ATRN: variants seen among roughly 807,000 people sequenced by gnomAD.
ATRN encodes the protein attractin-2.
In ATRN, 54 loss-of-function variants were observed where a neutral mutation model predicts 178.7. The observed-to-expected ratio is 0.30, with a 90% CI of 0.24 to 0.38. The LOEUF (loss-of-function observed/expected upper bound fraction) is 0.38. Ranked by LOEUF, ATRN falls within the 10% of genes least tolerant of loss-of-function variation. The pLI, the probability that ATRN is intolerant of heterozygous loss-of-function variation, is 1.00. For missense variants in ATRN, 1,443 were observed against 1,815.1 expected (o/e 0.79, Z 3.73); for synonymous variants, 636 against 663.0 (o/e 0.96, Z 0.63).
intron 13 of ATRN, among the ~76,000 whole-genome samples, chr20:3,576,637 T>C (rs770796938): frequency 1.3e-5 from 2 of 152,090 alleles, no homozygotes; most frequent in Non-Finnish European, 2.9e-5. Flanking sequence ...AACATTCCAT[T>C]GCAGTGTTCC....
rs114704142 is a variant in ATRN, at chr20:3,594,081, C to T, written c.3323-398C>T. 2.5e-3 allele frequency among the ~76,000 whole-genome samples: 374 copies of T among 152,302 alleles called. 2 individuals are homozygous for T. The highest frequency in any genetic ancestry group is 8.5e-3 in the African/African-American group (355 of 41,576). On this transcript the variant is annotated intron_variant, in intron 19 of 28. Transcript: ENST00000262919. ...CCAGCCCTCCTTCAGAGGACAGTCA[C>T]CTCCAGAGCACCTCCCTAGGGGCAG...
intron 5 of ATRN, among the ~76,000 whole-genome samples, chr20:3,547,787 A>G (rs375401400): frequency 6.6e-6 from 1 of 152,164 alleles, no homozygotes; most frequent in East Asian, 1.9e-4. Context: ...GGGAGATGGG[A>G]CAAGAGCTGA....
intron 24 of ATRN, among the ~76,000 whole-genome samples, chr20:3,617,697 G>A (rs1368856346): frequency 6.6e-6 from 1 of 152,062 alleles, no homozygotes; most frequent in Non-Finnish European, 1.5e-5. Flanking sequence ...GAATAATACA[G>A]GTGGTAGAAG....
chr20:3,480,808 T>A (rs923664355), intron 1 of ATRN, among the ~76,000 whole-genome samples: 1 of 152,196 alleles, frequency 6.6e-6, no homozygotes, highest in African/African-American at 2.4e-5. Context: ...TAAATGTGAT[T>A]AAGTGATTTA....
At chr20:3,635,796 T>G (rs946153321) in intron 26 of ATRN, among the ~76,000 whole-genome samples, 2 of 152,130 alleles carry the variant, frequency 1.3e-5, no homozygotes, top group African/African-American at 4.8e-5. Flanking sequence ...ATAGAGGGAA[T>G]GTTGCACACT....
chr20:3,607,666 T>C (rs2086693853), intron 24 of ATRN, among the ~76,000 whole-genome samples: 1 of 152,238 alleles, frequency 6.6e-6, no homozygotes. Context: ...CTCTTGTGAA[T>C]AGTGCTGTGA....
chr20:3,537,898 A>T (rs151520), intron 2 of ATRN, among the ~76,000 whole-genome samples: 135,344 of 150,876 alleles, frequency 0.9, 60,835 homozygotes, highest in African/African-American at 0.95. Flanking sequence ...CATTTTCTTT[A>T]TTTTATTTTA....
At chr20:3,483,073 G>A (rs1391600221) in intron 1 of ATRN, among the ~76,000 whole-genome samples, 1 of 152,088 alleles carries the variant, frequency 6.6e-6, no homozygotes, top group Admixed American at 6.5e-5. Context: ...TAACTAGTAT[G>A]GTGAAGTTGA....
intron 1 of ATRN, among the ~76,000 whole-genome samples, chr20:3,483,883 C>T (rs1370707083): frequency 2.0e-5 from 3 of 152,042 alleles, no homozygotes; most frequent in Admixed American, 2.0e-4. Flanking sequence ...CCCCATTATA[C>T]AGTATTACTT....
chr20:3,554,990 C>CTTTTTTTTT lies in ATRN; in HGVS notation c.1113-4381_1113-4373dup, dbSNP rs536209701. ...TGGAACACCAAGTGTGACCTGACCT[C>CTTTTTTTTT]TTTTTTTTTTTTTTTTTTTTTTTTT... is the stretch of plus-strand genomic sequence containing the variant. On this transcript the variant is annotated intron_variant, in intron 6 of 28. Coordinates refer to ENST00000262919, the MANE Select transcript of ATRN (RefSeq NM_139321.3). 2.8e-4 allele frequency among the ~76,000 whole-genome samples: 19 copies of CTTTTTTTTT among 67,490 alleles called. 2 individuals are homozygous for CTTTTTTTTT. The highest frequency in any genetic ancestry group is 1.3e-3 in the African/African-American group (19 of 14,248). The allele number at this position is 67,490 out of a possible 152,430, so 44.3% of individuals were successfully genotyped here. A position where few individuals can be genotyped will look rare whatever the true frequency, so the allele number is the denominator to read the frequency against.
intron 1 of ATRN, among the ~76,000 whole-genome samples, chr20:3,514,403 A>G (rs1323237141): frequency 5.3e-5 from 8 of 152,174 alleles, no homozygotes; most frequent in Non-Finnish European, 1.0e-4. Context: ...AACCTGAAAG[A>G]AAAGGAAAAC....
chr20:3,545,967 CAT>C, intron 4 of ATRN, 77 bp downstream of exon 4: 1 of 1,501,730 alleles, frequency 6.7e-7, no homozygotes, highest in Non-Finnish European at 9.2e-7. Context: ...TAATGGCTAA[CAT>C]AGATTGAGAG....
chr20:3,477,754 C>G (rs912942692), intron 1 of ATRN, among the ~76,000 whole-genome samples: 1 of 152,228 alleles, frequency 6.6e-6, no homozygotes, highest in East Asian at 1.9e-4. Context: ...CAGTAAATAT[C>G]TGTTGAATGA....
chr20:3,583,898 C>G lies in ATRN; in HGVS notation c.2765C>G (p.Ala922Gly), dbSNP rs770014624. 6.2e-7 allele frequency: 1 copy of G among 1,612,352 alleles called. No homozygotes were observed. The highest frequency in any genetic ancestry group is 1.3e-5 in the African/African-American group (1 of 74,992). ...TGTCTCTCTTGGGTTTCATTCCCAG[C>G]AAACCACAGTGCTAAGCAGTGCCGG... Reference protein sequence around the residue: ...PLNGSVCERPANHSAKQCRTP... With the variant: ...PLNGSVCERPGNHSAKQCRTP... The change falls in exon 17 of 29, where the codon GCA (alanine) becomes GGA (glycine). Residue 922 changes from alanine to glycine, a missense_variant and splice_region_variant. Around this residue, in one of 4 missense-constraint regions of ATRN, gnomAD observed 212 missense variants for 330.7 expected, o/e 0.64. Transcript: ENST00000262919.
At chr20:3,548,875 G>T (rs1239330741) in intron 5 of ATRN, among the ~76,000 whole-genome samples, 3 of 152,142 alleles carry the variant, frequency 2.0e-5, no homozygotes, top group Non-Finnish European at 4.4e-5. Context: ...GATTTTTCAT[G>T]TGAGTTAATT....
chr20:3,490,798 C>A, intron 1 of ATRN: 1 of 794,946 alleles, frequency 1.3e-6, no homozygotes, highest in Non-Finnish European at 2.3e-6. Flanking sequence ...CCTGAAATGG[C>A]ATTGAGTTCC....
At chr20:3,598,272 C>T (rs966750740) in intron 22 of ATRN, among the ~76,000 whole-genome samples, 8 of 152,214 alleles carry the variant, frequency 5.3e-5, no homozygotes, top group African/African-American at 1.9e-4. Context: ...ATCATGGCCT[C>T]ATACAGAAAG....
At chr20:3,595,506 A>G (rs541737734) in intron 20 of ATRN, among the ~76,000 whole-genome samples, 1 of 152,196 alleles carries the variant, frequency 6.6e-6, no homozygotes, top group Non-Finnish European at 1.5e-5. Flanking sequence ...TACTAGCTTC[A>G]TGTTGCCCTA....
intron 1 of ATRN, among the ~76,000 whole-genome samples, chr20:3,516,079 C>T (rs2085202614): frequency 6.6e-6 from 1 of 152,116 alleles, no homozygotes; most frequent in Non-Finnish European, 1.5e-5. Context: ...GTTTACATTG[C>T]ACTGGAAGAA....
Sources: gnomAD v4.1 joint callset for allele counts (sites outside exome capture counted in the v4.1 genomes callset) on GRCh38, gnomAD v4.1.1 for gene constraint, gnomAD v4.1.1 regional missense constraint, MANE v1.5 for transcripts, NCBI Gene and HGNC (gene_info 2026-07-23, HGNC 2026-07-21) for gene names.